Variants in SYNE2 observed in about 807,000 individuals in gnomAD.
The protein encoded by SYNE2 is nesprin-2.
SYNE2 carries 431 observed loss-of-function variants against 856.3 expected under a neutral mutation model. The observed-to-expected ratio is 0.50, with a 90% CI of 0.47 to 0.55. SYNE2 has a LOEUF of 0.55. Ranked by LOEUF, SYNE2 falls within the 20% of genes least tolerant of loss-of-function variation. The probability of loss-of-function intolerance (pLI) is 0.00; values close to 1 mark genes in which losing one functional copy is unlikely to be tolerated. For synonymous variants in SYNE2, 2,923 were observed against 2,872.3 expected, an observed-to-expected ratio of 1.02 and a Z score of -0.56; for missense variants, 8,129 against 8,023.2, an observed-to-expected ratio of 1.01 and a Z score of -0.50.
Position 64,134,063 on chromosome 14 carries a change from C to G in SYNE2, c.14515-6C>G, listed in dbSNP as rs759636816. 6.2e-7 allele frequency: 1 copy of G among 1,613,724 alleles called. No homozygotes were observed. The highest frequency in any genetic ancestry group is 2.2e-5 in the East Asian group (1 of 44,866). ...TTCCACTAATTTTATGTCCTTGATTCTCTAGAAATGGGAAGAATTTGATGA... is the reference window on the plus strand; with the variant it reads ...TTCCACTAATTTTATGTCCTTGATTGTCTAGAAATGGGAAGAATTTGATGA... On this transcript the variant is annotated splice_region_variant and splice_polypyrimidine_tract_variant and intron_variant, in intron 77 of 115. Coordinates refer to ENST00000555002, the MANE Select transcript of SYNE2 (RefSeq NM_182914.3).
chr14:64,053,275 T>G lies in SYNE2; in HGVS notation c.9362T>G (p.Leu3121Arg). 1 of 1,608,854 alleles carries G rather than the reference T, an allele frequency of 6.2e-7. No homozygotes were observed. The highest frequency in any genetic ancestry group is 8.5e-7 in the Non-Finnish European group (1 of 1,178,526). The stretch of plus-strand genomic sequence containing the variant: ...GACTCATTCAAGGAGAAAGAAATAC[T>G]ACAAATAAAGCTGAATGCAGAAGAA... ...FDDSFKEKEILQIKLNAEEND... is the reference protein window; with the variant it reads ...FDDSFKEKEIRQIKLNAEEND... Residue 3121 changes from leucine (L) to arginine (R), a missense_variant, in exon 48 of 116, where the codon CTA (leucine) becomes CGA (arginine). By Grantham distance (102) the Leu-to-Arg change is moderately radical (BLOSUM62 -2). This residue lies in a region of SYNE2 where 5,410 missense variants were observed against 5,284.8 expected (regional missense o/e 1.02). Coordinates refer to ENST00000555002, the MANE Select transcript of SYNE2 (RefSeq NM_182914.3).
chr14:64,008,908 T>C (rs570335171), intron 31 of SYNE2, among the ~76,000 whole-genome samples: 2 of 152,308 alleles, frequency 1.3e-5, no homozygotes, highest in South Asian at 4.1e-4. Flanking sequence ...CGGGGGTTAA[T>C]CCCTGTGTGC....
At chr14:64,023,982 C>T (rs888916551) in intron 38 of SYNE2, 10 of 400,594 alleles carry the variant, frequency 2.5e-5, no homozygotes, top group African/African-American at 4.1e-5. Flanking sequence ...AGAAGTTGGA[C>T]GTAGCCAGGA....
chr14:64,100,543 T>A (rs1324659636), intron 63 of SYNE2, among the ~76,000 whole-genome samples: 4,089 of 75,670 alleles, frequency 0.054, 530 homozygotes, highest in African/African-American at 0.24. Context: ...TATATATATA[T>A]ATATATATAT....
chr14:63,857,494 T>A (rs1216699106), intron 1 of SYNE2, among the ~76,000 whole-genome samples: 23 of 152,188 alleles, frequency 1.5e-4, no homozygotes, highest in Admixed American at 1.5e-3. Context: ...TGTCTAGGAG[T>A]AGAATGACTA....
At chr14:64,210,425 G>A (rs760534426) in intron 103 of SYNE2, among the ~76,000 whole-genome samples, 9 of 152,162 alleles carry the variant, frequency 5.9e-5, no homozygotes, top group Admixed American at 2.0e-4. Flanking sequence ...AGTCCAGGGC[G>A]CCGCTTCGCT....
At chr14:64,183,595 G>C (rs1182378435) in intron 96 of SYNE2, among the ~76,000 whole-genome samples, 1 of 151,792 alleles carries the variant, frequency 6.6e-6, no homozygotes, top group South Asian at 2.1e-4. Flanking sequence ...AGCGAGCCGA[G>C]ATCACGCCAC....
At chr14:64,049,459 T>TAATAAG in intron 46 of SYNE2, 152 bp from the exon 47 acceptor site, 2 of 368,464 alleles carry the variant, frequency 5.4e-6, no homozygotes, top group Non-Finnish European at 9.1e-6. Flanking sequence ...ATAATAATAA[T>TAATAAG]TTTTAAAGGT....
intron 112 of SYNE2, among the ~76,000 whole-genome samples, chr14:64,222,733 TAAATA>T (rs1281176157): frequency 6.6e-6 from 1 of 151,752 alleles, no homozygotes; most frequent in Non-Finnish European, 1.5e-5. Flanking sequence ...CTCAAAAAAA[TAAATA>T]AATGAATAGC....
intron 90 of SYNE2, among the ~76,000 whole-genome samples, chr14:64,165,665 A>T (rs1172993643): frequency 6.6e-6 from 1 of 152,150 alleles, no homozygotes; most frequent in Non-Finnish European, 1.5e-5. Flanking sequence ...GACATGTGCC[A>T]CCATGTCCGG....
intron 1 of SYNE2, among the ~76,000 whole-genome samples, chr14:63,790,071 G>A (rs904648409): frequency 1.9e-4 from 29 of 152,274 alleles, no homozygotes; most frequent in East Asian, 3.9e-4. Context: ...GGGATTGGCC[G>A]GAAATTGCTC....
chr14:64,179,131 A>G (rs117418422), intron 96 of SYNE2, among the ~76,000 whole-genome samples: 2,019 of 152,232 alleles, frequency 0.013, 21 homozygotes, highest in South Asian at 0.019. Flanking sequence ...TACTATATAT[A>G]ATGTAATTTT....
chr14:64,168,214 G>A (rs1358586546), intron 92 of SYNE2, among the ~76,000 whole-genome samples: 1 of 152,012 alleles, frequency 6.6e-6, no homozygotes, highest in Non-Finnish European at 1.5e-5. Flanking sequence ...AGCAATTCTC[G>A]TGCCTTACCC....
intron 44 of SYNE2, 56 bp from the exon 45 acceptor site, chr14:64,030,960 C>A: frequency 1.5e-6 from 2 of 1,302,958 alleles, no homozygotes; most frequent in Non-Finnish European, 2.2e-6. Flanking sequence ...TTACAAAAGT[C>A]AATTAACTTT....
Position 64,168,208 on chromosome 14 carries a change from A to G in SYNE2, c.16905+569A>G, listed in dbSNP as rs116615405. 4.4e-3 allele frequency among the ~76,000 whole-genome samples: 672 copies of G among 152,238 alleles called. 2 individuals are homozygous for G. The highest frequency in any genetic ancestry group is 9.5e-3 in the African/African-American group (395 of 41,546). On this transcript the variant is annotated intron_variant, in intron 92 of 115. Transcript: ENST00000555002. ...AACTTCCACCCCCCAGGCTCAAGCA[A>G]TTCTCGTGCCTTACCCTTCCGAGTA...
At chr14:63,937,307 G>A (rs958271909) in intron 2 of SYNE2, among the ~76,000 whole-genome samples, 1 of 152,210 alleles carries the variant, frequency 6.6e-6, no homozygotes, top group Non-Finnish European at 1.5e-5. Context: ...GGCGTCAAGA[G>A]GTTTGTTTTT....
At chr14:63,790,956 T>C (rs1242330352) in intron 1 of SYNE2, among the ~76,000 whole-genome samples, 1 of 151,696 alleles carries the variant, frequency 6.6e-6, no homozygotes. Flanking sequence ...AGATTATAGC[T>C]ACCAGAAGAA....
intron 49 of SYNE2, among the ~76,000 whole-genome samples, chr14:64,059,404 G>C (rs1221711267): frequency 6.6e-6 from 1 of 152,218 alleles, no homozygotes; most frequent in South Asian, 2.1e-4. Flanking sequence ...GCCTAATAAT[G>C]TTGTGGTTTT....
Position 64,052,194 on chromosome 14 carries a change from A to G in SYNE2, c.8281A>G (p.Ile2761Val), listed in dbSNP as rs774807064. Residue 2761 changes from isoleucine (I) to valine (V), a missense_variant, in exon 48 of 116, where the codon ATT becomes GTT. Around this residue, in one of 3 missense-constraint regions of SYNE2, gnomAD observed 5,410 missense variants for 5,284.8 expected, o/e 1.02. Transcript: ENST00000555002. ...CTCCATTCCCCTTCTCCCAGATGAC[A>G]TTCTTTCACAGATCAGAAAGTGCAA... ...NPSIPLLPDD[I>V]LSQIRKCKVT... 2 of 1,614,198 alleles carry G rather than the reference A, an allele frequency of 1.2e-6. No homozygotes were observed. Among genetic ancestry groups the G allele is most frequent in the Non-Finnish European group, 1.7e-6 (2 of 1,180,036 alleles).
Sources: allele counts gnomAD v4.1 joint callset (sites outside exome capture counted in the v4.1 genomes callset), GRCh38; gene constraint gnomAD v4.1.1; regional missense constraint gnomAD v4.1.1; transcripts MANE v1.5; gene names NCBI Gene and HGNC (gene_info 2026-07-23, HGNC 2026-07-21).